Variants in CASK observed in about 807,000 individuals in gnomAD.
The protein encoded by CASK is calcium/calmodulin dependent serine protein kinase, also known as peripheral plasma membrane protein CASK.
CASK carries 4 observed loss-of-function variants against 82.9 expected under a neutral mutation model. That is an observed-to-expected ratio of 0.05 (90% CI 0.02 to 0.11). CASK has a LOEUF of 0.11. CASK is among the 10% of genes least tolerant of loss of function. CASK has a pLI of 1.00. For synonymous variants in CASK, 259 were observed against 253.5 expected (o/e 1.02, Z -0.20); for missense variants, 358 against 720.9 (o/e 0.50, Z 5.76).
chrX:41,695,670 G>T, intron 5 of CASK: 1 of 1,203,836 alleles, frequency 8.3e-7, no homozygotes, highest in Non-Finnish European at 1.1e-6. Flanking sequence ...GACAACTTCA[G>T]TCAGCAGCTG....
chrX:41,583,195 C>T (rs2065606521), intron 14 of CASK, among the ~76,000 whole-genome samples: 1 of 112,000 alleles, frequency 8.9e-6, no homozygotes, highest in South Asian at 3.7e-4. Flanking sequence ...CACATATTAA[C>T]TTCTCTCTGA....
chrX:41,665,573 C>G, intron 6 of CASK, 121 bp from the exon 7 acceptor site: 2 of 522,337 alleles, frequency 3.8e-6, no homozygotes, highest in Non-Finnish European at 6.3e-6. Context: ...ATACTCTCAC[C>G]ACTCCTCCAC....
At chrX:41,820,549 AG>A (rs930610369) in intron 2 of CASK, among the ~76,000 whole-genome samples, 2 of 111,275 alleles carry the variant, frequency 1.8e-5, no homozygotes, top group African/African-American at 6.5e-5. Context: ...CATGGATTGG[AG>A]GACTCAATAT....
rs757139385 is a variant in CASK, at chrX:41,901,043, G to A, written c.59+21887C>T. ...TTAGAGATGCGAGACACTGCACCTG[G>A]CCTTGAATTCTTTATCAGTCAATTC... On this transcript the variant is annotated intron_variant, in intron 1 of 26. Coordinates refer to ENST00000378163, the MANE Select transcript of CASK (RefSeq NM_001367721.1). Among the ~76,000 whole-genome samples the A allele has an allele frequency of 4.5e-5, 5 of 111,823 alleles. No homozygotes were observed. In the Admixed American group the frequency reaches 4.7e-4, roughly 11 times the overall value.
At chrX:41,581,770 T>C (rs2065584290) in intron 14 of CASK, among the ~76,000 whole-genome samples, 1 of 109,794 alleles carries the variant, frequency 9.1e-6, no homozygotes, top group Non-Finnish European at 1.9e-5. Context: ...CTCAGAATTA[T>C]ATTTCCCACA....
intron 2 of CASK, among the ~76,000 whole-genome samples, chrX:41,828,036 G>A (rs1280645217): frequency 9.0e-6 from 1 of 111,473 alleles, no homozygotes; most frequent in African/African-American, 3.3e-5. Context: ...ATGCTTCACA[G>A]ATATCATCAC....
intron 21 of CASK, 58 bp from the exon 22 acceptor site, chrX:41,542,864 A>C (rs2064967527): frequency 1.4e-6 from 1 of 708,338 alleles, no homozygotes; most frequent in East Asian, 3.4e-5. Flanking sequence ...GGTTGATAAA[A>C]TAGAAGAGTC....
chrX:41,517,683 A>T lies in CASK; in HGVS notation c.*2737T>A. 1 of 486,773 alleles carries T rather than the reference A, an allele frequency of 2.1e-6. No individual in the cohort carries two copies. The highest frequency in any genetic ancestry group is 2.8e-5 in the South Asian group (1 of 35,485). 40.1% of individuals were successfully genotyped at this position (486,773 alleles called of 1,213,427 possible). ...TGGTCTTTAAAAGAAAGAAAGAAAA[A>T]AAAAGGTTCTGCTGATGGAATGGAA... On this transcript the variant is annotated 3_prime_UTR_variant, in exon 27 of 27. Transcript: ENST00000378163.
chrX:41,657,506 T>C (rs1399364146), intron 8 of CASK, among the ~76,000 whole-genome samples: 2 of 111,739 alleles, frequency 1.8e-5, no homozygotes, highest in Admixed American at 9.5e-5. Context: ...TTGAATTATA[T>C]ATTCTTTTAT....
chrX:41,749,988 G>GT (rs953455327), intron 3 of CASK, among the ~76,000 whole-genome samples: 9 of 108,253 alleles, frequency 8.3e-5, no homozygotes, highest in Non-Finnish European at 7.7e-5. Flanking sequence ...GCCATTATAT[G>GT]TTTTTTTTTA....
chrX:41,562,153 C>T (rs945930551), intron 16 of CASK: 1 of 112,912 alleles, frequency 8.9e-6, no homozygotes, highest in African/African-American at 3.2e-5. Context: ...TGGCTGCTAT[C>T]GTTATCTACC....
intron 5 of CASK, among the ~76,000 whole-genome samples, chrX:41,702,326 G>T (rs1007568906): frequency 2.8e-5 from 3 of 108,759 alleles, no homozygotes; most frequent in African/African-American, 1.0e-4. Flanking sequence ...CGGAGGTTGT[G>T]GTGAGCTGAG....
At chrX:41,700,309 A>T (rs1294719045) in intron 5 of CASK, among the ~76,000 whole-genome samples, 4 of 111,937 alleles carry the variant, frequency 3.6e-5, no homozygotes, top group Non-Finnish European at 7.5e-5. Context: ...TGAACGAAAG[A>T]CTTACTGAAA....
At chrX:41,790,137 A>G in intron 2 of CASK, 1 of 783,828 alleles carries the variant, frequency 1.3e-6, no homozygotes, top group Non-Finnish European at 1.6e-6. Context: ...TTTCTTTCAG[A>G]AGCAAACCAT....
At chrX:41,639,914 A>G (rs959219283) in intron 8 of CASK, among the ~76,000 whole-genome samples, 1 of 111,979 alleles carries the variant, frequency 8.9e-6, no homozygotes, top group Non-Finnish European at 1.9e-5. Flanking sequence ...TCAATAGTTC[A>G]TTCCTTTTTA....
intron 3 of CASK, among the ~76,000 whole-genome samples, chrX:41,759,884 G>A (rs1384705676): frequency 9.0e-6 from 1 of 111,678 alleles, no homozygotes. Context: ...AGATAACAAA[G>A]ATTGATTTTT....
chrX:41,694,539 T>C (rs1217662349), intron 5 of CASK, among the ~76,000 whole-genome samples: 3 of 112,399 alleles, frequency 2.7e-5, no homozygotes, highest in African/African-American at 9.7e-5. Flanking sequence ...CTTCGAAGGT[T>C]CTAGCAAGTC....
At chrX:41,820,728 T>C (rs1291857394) in intron 2 of CASK, among the ~76,000 whole-genome samples, 5 of 111,427 alleles carry the variant, frequency 4.5e-5, no homozygotes, top group Non-Finnish European at 9.5e-5. Flanking sequence ...TTTTGGCTAC[T>C]GGATTTTAAG....
intron 10 of CASK, chrX:41,624,279 G>T (rs2066331418): frequency 8.5e-6 from 3 of 354,470 alleles, no homozygotes; most frequent in Non-Finnish European, 1.6e-5. Context: ...ACAATAAGAA[G>T]CACTGGGGAC....
Sources: allele counts gnomAD v4.1 joint callset (sites outside exome capture counted in the v4.1 genomes callset), GRCh38; gene constraint gnomAD v4.1.1; transcripts MANE v1.5; gene names NCBI Gene and HGNC (gene_info 2026-07-23, HGNC 2026-07-21).